The following TENT2 variants were observed in gnomAD, a reference collection of about 807,000 sequenced individuals.
TENT2 encodes the protein terminal nucleotidyltransferase 2, also known as poly(A) RNA polymerase GLD2.
TENT2 carries 44 observed loss-of-function variants against 72.2 expected under a neutral mutation model. The observed-to-expected ratio is 0.61, with a 90% CI of 0.48 to 0.78. The LOEUF is 0.78. Ranked by LOEUF, TENT2 falls within the 30% of genes least tolerant of loss-of-function variation. The pLI is 0.00. For synonymous variants in TENT2, 212 were observed against 192.5 expected, an observed-to-expected ratio of 1.10 and a Z score of -0.84; for missense variants, 541 against 569.6, an observed-to-expected ratio of 0.95 and a Z score of 0.51.
At chr5:79,635,524 T>G (rs1182016795) in intron 4 of TENT2, among the ~76,000 whole-genome samples, 2 of 152,206 alleles carry the variant, frequency 1.3e-5, no homozygotes, top group Admixed American at 1.3e-4. Flanking sequence ...AAGAACTTTA[T>G]AAATATAATA....
At chr5:79,666,546 C>G (rs1808200240) in intron 11 of TENT2, among the ~76,000 whole-genome samples, 1 of 151,806 alleles carries the variant, frequency 6.6e-6, no homozygotes, top group African/African-American at 2.4e-5. Context: ...TAGGCATCAC[C>G]ATGCCCAGCT....
chr5:79,685,300 T>A lies in TENT2; in HGVS notation c.*27T>A. On this transcript the variant is annotated 3_prime_UTR_variant, in exon 15 of 15. Coordinates refer to ENST00000453514, the MANE Select transcript of TENT2 (RefSeq NM_001114394.3). ...TGGCCTCTATTTCTTAATAAATTCT[T>A]CCAAGAAATAAAGAACAATAGTTTC... is the stretch of plus-strand genomic sequence containing the variant. 1 of 1,489,708 alleles carries A rather than the reference T, an allele frequency of 6.7e-7. No homozygotes were observed. Among genetic ancestry groups the A allele is most frequent in the South Asian group, 1.2e-5 (1 of 81,450 alleles). 92.3% of individuals were successfully genotyped at this position (1,489,708 alleles called of 1,614,324 possible). A position where few individuals can be genotyped will look rare whatever the true frequency, so the allele number is the denominator to read the frequency against.
Position 79,647,336 on chromosome 5 carries a change from A to G in TENT2, c.822-1281A>G, listed in dbSNP as rs139939639. Among the ~76,000 whole-genome samples, 189 of 152,316 alleles carry G rather than the reference A, an allele frequency of 1.2e-3. 5 individuals carry two copies. In the East Asian group the frequency reaches 0.028, roughly 23 times the overall value. On this transcript the variant is annotated intron_variant, in intron 8 of 14. Coordinates refer to ENST00000453514, the MANE Select transcript of TENT2 (RefSeq NM_001114394.3). ...AGTGTTTGAAGCAGGAACTGTGGAT[A>G]TTTTTAAAGCCCTGAATTCAATTTT...
At chr5:79,666,636 T>A (rs1278094521) in intron 11 of TENT2, among the ~76,000 whole-genome samples, 1 of 131,716 alleles carries the variant, frequency 7.6e-6, no homozygotes, top group East Asian at 2.2e-4. Context: ...AAGGATTTCA[T>A]AATTCATATT....
intron 10 of TENT2, among the ~76,000 whole-genome samples, 182 bp downstream of exon 10, chr5:79,649,372 A>G (rs1291203588): frequency 1.3e-5 from 2 of 150,340 alleles, no homozygotes; most frequent in African/African-American, 4.9e-5. Flanking sequence ...CTTGGAAAAT[A>G]TAGAAGTTTC....
chr5:79,662,214 A>C (rs557792245), intron 11 of TENT2, among the ~76,000 whole-genome samples: 16 of 152,350 alleles, frequency 1.1e-4, no homozygotes, highest in East Asian at 1.9e-4. Flanking sequence ...TTCCACTGCT[A>C]ATTCTAATTA....
intron 4 of TENT2, among the ~76,000 whole-genome samples, chr5:79,628,523 A>T (rs1772328017): frequency 6.6e-6 from 1 of 152,178 alleles, no homozygotes; most frequent in African/African-American, 2.4e-5. Context: ...GATGGTAGTG[A>T]AAAAGATGTG....
At chr5:79,651,291 T>C (rs1039350777) in intron 10 of TENT2, among the ~76,000 whole-genome samples, 3 of 152,038 alleles carry the variant, frequency 2.0e-5, no homozygotes, top group African/African-American at 7.2e-5. Context: ...GATGTTCTTT[T>C]TTCCTCTACA....
intron 11 of TENT2, among the ~76,000 whole-genome samples, chr5:79,659,595 A>ATAG (rs1561547906): frequency 1.6e-4 from 13 of 79,180 alleles, no homozygotes; most frequent in Non-Finnish European, 3.4e-4. Context: ...TATATATATA[A>ATAG]TAGCCATCGT....
At chr5:79,617,749 G>A (rs978447195) in intron 1 of TENT2, 1 of 152,188 alleles carries the variant, frequency 6.6e-6, no homozygotes, top group Non-Finnish European at 1.5e-5. Flanking sequence ...CAGCCTGAGA[G>A]CATTTCCGTC....
intron 11 of TENT2, among the ~76,000 whole-genome samples, chr5:79,662,350 A>G (rs752343371): frequency 4.8e-4 from 73 of 152,244 alleles, no homozygotes; most frequent in Non-Finnish European, 9.0e-4. Flanking sequence ...TTGACCTCCC[A>G]TGAATCATGA....
At chr5:79,649,249 T>C in intron 10 of TENT2, 59 bp downstream of exon 10, 1 of 1,491,836 alleles carries the variant, frequency 6.7e-7, no homozygotes, top group Non-Finnish European at 9.2e-7. Context: ...TATTATGGTG[T>C]CTTCTCTGTT....
intron 12 of TENT2, among the ~76,000 whole-genome samples, chr5:79,674,623 T>G (rs1461755127): frequency 1.3e-5 from 2 of 152,234 alleles, no homozygotes; most frequent in Non-Finnish European, 2.9e-5. Flanking sequence ...AACTTTGATG[T>G]GTACCGGTTA....
chr5:79,641,118 T>C lies in TENT2; in HGVS notation c.594T>C (p.Phe198=). ...CTGTTTCTTTAGAAAGCAGACTTTTTTTGGTTGGGTCCTCTTTAAATGGAT... is the reference window on the plus strand; with the variant it reads ...CTGTTTCTTTAGAAAGCAGACTTTTCTTGGTTGGGTCCTCTTTAAATGGAT... ...IQLLFPQSRL[F]LVGSSLNGFG... The change falls in exon 6 of 15, where the codon TTT becomes TTC. Residue 198 remains phenylalanine, a synonymous_variant. Coordinates refer to ENST00000453514, the MANE Select transcript of TENT2 (RefSeq NM_001114394.3). 1 of 1,572,176 alleles carries C rather than the reference T, an allele frequency of 6.4e-7. No homozygotes were observed. The highest frequency in any genetic ancestry group is 8.6e-7 in the Non-Finnish European group (1 of 1,168,458).
chr5:79,678,738 T>C (rs745183), intron 12 of TENT2, among the ~76,000 whole-genome samples: 30,847 of 151,992 alleles, frequency 0.2, 4,614 homozygotes, highest in African/African-American at 0.42. Flanking sequence ...TTCAAAATTT[T>C]CTCCCAAATC....
chr5:79,641,957 C>T (rs1017759741), intron 6 of TENT2, among the ~76,000 whole-genome samples: 1 of 151,916 alleles, frequency 6.6e-6, no homozygotes, highest in Admixed American at 6.6e-5. Context: ...ATTAGGGATG[C>T]TCAACCTGTA....
In TENT2 at chr5:79,674,250, C is replaced by T. The variant is rs566012134; in HGVS notation, c.1208+5222C>T. 1.3e-4 allele frequency among the ~76,000 whole-genome samples: 20 copies of T among 152,170 alleles called. 1 individual carries two copies. In the South Asian group the frequency reaches 1.5e-3, roughly 11 times the overall value. ...TAAAAAAATTAGCCAGGTGTGGTGGCGGGCACCTGTAATCCCAGCTACTCA... is the reference window on the plus strand; with the variant it reads ...TAAAAAAATTAGCCAGGTGTGGTGGTGGGCACCTGTAATCCCAGCTACTCA... On this transcript the variant is annotated intron_variant, in intron 12 of 14. Transcript: ENST00000453514.
chr5:79,668,795 T>C, intron 11 of TENT2, 97 bp from the exon 12 acceptor site: 1 of 1,375,280 alleles, frequency 7.3e-7, no homozygotes. Context: ...AAATTTCTTC[T>C]CTCTTTTTCA....
intron 14 of TENT2, 56 bp downstream of exon 14, chr5:79,682,117 C>A: frequency 7.6e-7 from 1 of 1,312,450 alleles, no homozygotes; most frequent in Non-Finnish European, 1.1e-6. Context: ...ATGCTTTAAA[C>A]AGGAAAAAAT....
Sources: allele counts gnomAD v4.1 joint callset (sites outside exome capture counted in the v4.1 genomes callset), GRCh38; gene constraint gnomAD v4.1.1; transcripts MANE v1.5; gene names NCBI Gene and HGNC (gene_info 2026-07-23, HGNC 2026-07-21).